The following MPPED1 variants were observed in gnomAD, a reference collection of about 807,000 sequenced individuals.
The protein encoded by MPPED1 is metallophosphoesterase domain containing 1.
Under a neutral mutation model 36.2 loss-of-function variants are expected in MPPED1, and 16 were observed. That is an observed-to-expected ratio of 0.44 (90% CI 0.30 to 0.67). The LOEUF is 0.67. Among genes scored for constraint, MPPED1 ranks in the 30% least tolerant of loss-of-function variants. The pLI, the probability that MPPED1 is intolerant of heterozygous loss-of-function variation, is 0.10. For synonymous variants in MPPED1, 199 were observed against 191.3 expected (o/e 1.04, Z -0.33); for missense variants, 307 against 453.4 (o/e 0.68, Z 2.93).
chr22:43,448,822 C>T (rs957103237), intron 3 of MPPED1, among the ~76,000 whole-genome samples: 9 of 151,996 alleles, frequency 5.9e-5, no homozygotes, highest in African/African-American at 1.7e-4. Flanking sequence ...AAGCTGGTCT[C>T]GAACTCCTGA....
intron 4 of MPPED1, among the ~76,000 whole-genome samples, chr22:43,487,894 C>T (rs779102640): frequency 6.6e-6 from 1 of 151,994 alleles, no homozygotes; most frequent in Non-Finnish European, 1.5e-5. Context: ...AGGGGATTTG[C>T]TGTGGGCAGG....
intron 2 of MPPED1, among the ~76,000 whole-genome samples, chr22:43,431,341 C>T (rs1172305547): frequency 6.6e-6 from 1 of 152,054 alleles, no homozygotes; most frequent in African/African-American, 2.4e-5. Context: ...TTGTGCCTGG[C>T]CTCTTTCTCC....
At chr22:43,448,998 G>A (rs1930463284) in intron 3 of MPPED1, among the ~76,000 whole-genome samples, 1 of 151,432 alleles carries the variant, frequency 6.6e-6, no homozygotes, top group Non-Finnish European at 1.5e-5. Flanking sequence ...TTTTTTTTTA[G>A]GCAAATTCTT....
rs552934511 is a variant in MPPED1 at position 43,423,819 on chromosome 22, C to T, written c.-78-1089C>T. ...TTATTTTCTCCTTGGTTAAATACAG[C>T]GCAAAAGGAATCGTTGGAGGGTCTT... On this transcript the variant is annotated intron_variant, in intron 1 of 6. Coordinates refer to ENST00000443721, the MANE Select transcript of MPPED1 (RefSeq NM_001044370.2). Among the ~76,000 whole-genome samples, 12 of 152,246 alleles carry T rather than the reference C, an allele frequency of 7.9e-5. No homozygotes were observed. The East Asian group carries it at 2.1e-3, about 27-fold the overall frequency.
chr22:43,460,142 G>T (rs966156664), intron 3 of MPPED1, among the ~76,000 whole-genome samples: 1 of 152,016 alleles, frequency 6.6e-6, no homozygotes, highest in Non-Finnish European at 1.5e-5. Flanking sequence ...GGGAGGCGGA[G>T]GTTGCAGTGA....
chr22:43,495,542 GTGGTGGTGGAGA>G (rs1932269434), intron 4 of MPPED1, among the ~76,000 whole-genome samples: 3 of 127,434 alleles, frequency 2.4e-5, no homozygotes, highest in Non-Finnish European at 5.2e-5. Flanking sequence ...GGTGGAGATG[GTGGTGGTGGAGA>G]TGGTGGTGGT....
intron 1 of MPPED1, among the ~76,000 whole-genome samples, chr22:43,420,043 G>A (rs1488957720): frequency 6.6e-6 from 1 of 152,136 alleles, no homozygotes; most frequent in African/African-American, 2.4e-5. Context: ...CGGGGACCTG[G>A]AGTCTCCCAC....
chr22:43,503,706 C>T (rs1306336300), intron 6 of MPPED1, among the ~76,000 whole-genome samples: 1 of 152,112 alleles, frequency 6.6e-6, no homozygotes, highest in Non-Finnish European at 1.5e-5. Context: ...TGTGAGAGGT[C>T]CTGGGAGAGA....
At chr22:43,426,450 C>G (rs1358165510) in intron 2 of MPPED1, among the ~76,000 whole-genome samples, 1 of 152,116 alleles carries the variant, frequency 6.6e-6, no homozygotes, top group East Asian at 1.9e-4. Flanking sequence ...GCCCTCCAGA[C>G]TGCCCGTGAG....
intron 3 of MPPED1, among the ~76,000 whole-genome samples, chr22:43,461,697 CT>C (rs956362993): frequency 2.0e-5 from 3 of 151,956 alleles, no homozygotes; most frequent in African/African-American, 2.4e-5. Flanking sequence ...ACTCTTTTTA[CT>C]TTTTTTTGAG....
intron 3 of MPPED1, among the ~76,000 whole-genome samples, chr22:43,445,934 G>T (rs1930329020): frequency 7.8e-6 from 1 of 128,502 alleles, no homozygotes; most frequent in Non-Finnish European, 1.6e-5. Context: ...GCAGTGGTGT[G>T]ATCATGGCGC....
chr22:43,435,707 A>T (rs1301206207), intron 3 of MPPED1, among the ~76,000 whole-genome samples: 1 of 152,152 alleles, frequency 6.6e-6, no homozygotes, highest in Non-Finnish European at 1.5e-5. Flanking sequence ...AAATACAAAA[A>T]TTAGCTGGGT....
At chr22:43,430,158 T>G (rs1386187527) in intron 2 of MPPED1, among the ~76,000 whole-genome samples, 1 of 152,140 alleles carries the variant, frequency 6.6e-6, no homozygotes, top group Non-Finnish European at 1.5e-5. Context: ...GATGAGTTGT[T>G]AGAAGCTGTC....
chr22:43,503,163 G>A (rs374057114), intron 6 of MPPED1, among the ~76,000 whole-genome samples: 124 of 152,264 alleles, frequency 8.1e-4, no homozygotes, highest in African/African-American at 3.0e-3. Flanking sequence ...TCTGTCCCCA[G>A]GGCCTGGCAT....
intron 4 of MPPED1, among the ~76,000 whole-genome samples, chr22:43,492,734 C>T (rs1932142432): frequency 6.6e-6 from 1 of 152,176 alleles, no homozygotes; most frequent in East Asian, 1.9e-4. Flanking sequence ...TTGCTTTCTT[C>T]TTCTCCCCCA....
chr22:43,479,250 A>T (rs1931674289), intron 4 of MPPED1, among the ~76,000 whole-genome samples: 1 of 152,208 alleles, frequency 6.6e-6, no homozygotes, highest in Non-Finnish European at 1.5e-5. Flanking sequence ...TCTGCCCTCA[A>T]CATATTGGCT....
chr22:43,458,643 T>G (rs1390577057), intron 3 of MPPED1, among the ~76,000 whole-genome samples: 1 of 152,234 alleles, frequency 6.6e-6, no homozygotes, highest in Non-Finnish European at 1.5e-5. Context: ...TATTTCTTCA[T>G]ATGGATTTCA....
At position 43,438,699 on chromosome 22, in the gene MPPED1, G is replaced by GA. The variant is rs1438937051; in HGVS notation, c.406+3485dup. Among the ~76,000 whole-genome samples the GA allele has an allele frequency of 2.0e-5, 3 of 152,216 alleles. No individual in the cohort carries two copies. In the East Asian group the frequency reaches 5.8e-4, roughly 29 times the overall value. On this transcript the variant is annotated intron_variant, in intron 3 of 6. Transcript: ENST00000443721. ...TCTCTGTGTCTGATTTTCTATAGGG[G>GA]AGGGGTGTGTTTTTCTGGTAATTTC...
intron 3 of MPPED1, among the ~76,000 whole-genome samples, chr22:43,466,504 A>G (rs1203176905): frequency 6.6e-6 from 1 of 152,222 alleles, no homozygotes; most frequent in Admixed American, 6.5e-5. Flanking sequence ...AAATGCAATG[A>G]AAATGGCTAA....
Sources: gnomAD v4.1 joint callset for allele counts (sites outside exome capture counted in the v4.1 genomes callset) on GRCh38, gnomAD v4.1.1 for gene constraint, MANE v1.5 for transcripts, NCBI Gene and HGNC (gene_info 2026-07-23, HGNC 2026-07-21) for gene names.